NUDT4: variants seen among roughly 807,000 people sequenced by gnomAD.
NUDT4 encodes nudix hydrolase 4.
Under a neutral mutation model 23.1 loss-of-function variants are expected in NUDT4, and 5 were observed. The observed-to-expected ratio is 0.22, with a 90% CI of 0.11 to 0.46. The LOEUF is 0.46. Ranked by LOEUF, NUDT4 falls within the 20% of genes least tolerant of loss-of-function variation. NUDT4 has a pLI of 0.99. For missense variants in NUDT4, 96 were observed against 211.6 expected, an observed-to-expected ratio of 0.45 and a Z score of 3.39; for synonymous variants, 50 against 79.0, an observed-to-expected ratio of 0.63 and a Z score of 1.95.
In NUDT4 at chr12:93,404,342, ATAT is replaced by A. The variant is rs1406113515; in HGVS notation, c.*4966_*4968del. On this transcript the variant is annotated 3_prime_UTR_variant, in exon 5 of 5. Coordinates refer to ENST00000415493, the MANE Select transcript of NUDT4 (RefSeq NM_019094.6). ...ACTTGCAATATATCCATATGGTGTA[ATAT>A]TACAGTCATTAGAAATGACATTTGC... The A allele has an allele frequency of 3.9e-5, 6 of 152,246 alleles. No individual in the cohort carries two copies. Among genetic ancestry groups the A allele is most frequent in the African/African-American group, 1.4e-4 (6 of 41,470 alleles). 9.4% of individuals were successfully genotyped at this position (152,246 alleles called of 1,614,324 possible).
At chr12:93,392,036 A>G (rs757376211) in intron 1 of NUDT4, among the ~76,000 whole-genome samples, 2 of 151,894 alleles carry the variant, frequency 1.3e-5, no homozygotes, top group Non-Finnish European at 2.9e-5. Flanking sequence ...GGAATGTGCT[A>G]CCACACCCAG....
chr12:93,397,092 T>C (rs1438055911), intron 3 of NUDT4, among the ~76,000 whole-genome samples: 1 of 152,236 alleles, frequency 6.6e-6, no homozygotes, highest in African/African-American at 2.4e-5. Context: ...TTAAGTGCTT[T>C]ACAAATACTG....
rs1238179921 is a variant in NUDT4 at position 93,405,490 on chromosome 12, G to C, written c.*6111G>C. The C allele has an allele frequency of 6.6e-6, 1 of 152,214 alleles. No individual in the cohort carries two copies. The highest frequency in any genetic ancestry group is 2.4e-5 in the African/African-American group (1 of 41,448). 9.4% of individuals were successfully genotyped at this position (152,214 alleles called of 1,614,324 possible). A position where few individuals can be genotyped will look rare whatever the true frequency, so the allele number is the denominator to read the frequency against. On this transcript the variant is annotated 3_prime_UTR_variant, in exon 5 of 5. Transcript: ENST00000415493. ...AGGGTGACAAGATGAAACTGGGAGA[G>C]GGCCGGGGAGACCCGAACTCTTAAT...
intron 1 of NUDT4, among the ~76,000 whole-genome samples, chr12:93,394,050 T>TG (rs1419665659): frequency 1.3e-5 from 2 of 152,184 alleles, no homozygotes; most frequent in Non-Finnish European, 2.9e-5. Context: ...TCACCCATGC[T>TG]GGAGTATGGT....
intron 3 of NUDT4, among the ~76,000 whole-genome samples, chr12:93,396,702 C>T (rs1876959110): frequency 6.6e-6 from 1 of 152,060 alleles, no homozygotes; most frequent in Non-Finnish European, 1.5e-5. Context: ...ATCACTAGGT[C>T]AGGAATTCAA....
chr12:93,378,835 C>T, intron 1 of NUDT4: 1 of 975,308 alleles, frequency 1.0e-6, no homozygotes, highest in Non-Finnish European at 1.2e-6. Flanking sequence ...ACATATTTTC[C>T]TTCCATGTTA....
intron 1 of NUDT4, among the ~76,000 whole-genome samples, chr12:93,386,497 T>C (rs1217068637): frequency 6.6e-6 from 1 of 151,844 alleles, no homozygotes; most frequent in Non-Finnish European, 1.5e-5. Context: ...CGAGAATTGC[T>C]TGAACCCAGG....
In NUDT4 at chr12:93,377,941, C is replaced by T. The variant is rs1016627504; in HGVS notation, c.-382C>T. 2.3e-5 allele frequency: 7 copies of T among 307,118 alleles called. No individual in the cohort carries two copies. The highest frequency in any genetic ancestry group is 1.6e-4 in the African/African-American group (7 of 44,340). 19.0% of individuals were successfully genotyped at this position (307,118 alleles called of 1,614,324 possible). ...GCGGCGCGCGGTCGCCGCGGTGCTG[C>T]TGCTCAGTGGGAGCGGGTCTTCGCA... On this transcript the variant is annotated 5_prime_UTR_variant, in exon 1 of 5. Coordinates refer to ENST00000415493, the MANE Select transcript of NUDT4 (RefSeq NM_019094.6).
Position 93,402,096 on chromosome 12 carries a change from G to C in NUDT4, c.*2717G>C, listed in dbSNP as rs1877489465. The C allele has an allele frequency of 1.3e-5, 2 of 149,474 alleles. No homozygotes were observed. Among genetic ancestry groups the C allele is most frequent in the African/African-American group, 4.9e-5 (2 of 40,782 alleles). 9.3% of individuals were successfully genotyped at this position (149,474 alleles called of 1,614,324 possible). ...ATTTTGTAAACAGATGACATTTTCT[G>C]ACCAGGCACATGCCATCCAATTTTC... On this transcript the variant is annotated 3_prime_UTR_variant, in exon 5 of 5. Coordinates refer to ENST00000415493, the MANE Select transcript of NUDT4 (RefSeq NM_019094.6).
At chr12:93,387,804 T>G (rs1485147344) in intron 1 of NUDT4, among the ~76,000 whole-genome samples, 1 of 152,138 alleles carries the variant, frequency 6.6e-6, no homozygotes, top group African/African-American at 2.4e-5. Flanking sequence ...TTATTGGGGT[T>G]GGGGGCAGGC....
In NUDT4 at chr12:93,378,694, G is replaced by C. The variant is rs993749561; in HGVS notation, c.99+273G>C. ...GGTCCCCGGGAAGGTCCCGGGCCGC[G>C]TAAGTCTCGCCTAGCGGGAGTCACC... On this transcript the variant is annotated intron_variant, in intron 1 of 4. Coordinates refer to ENST00000415493, the MANE Select transcript of NUDT4 (RefSeq NM_019094.6). The C allele has an allele frequency of 5.2e-6, 6 of 1,143,190 alleles. No individual in the cohort carries two copies. The African/African-American group carries it at 8.0e-5, about 15-fold the overall frequency. The allele number at this position is 1,143,190 out of a possible 1,614,324, so 70.8% of individuals were successfully genotyped here. A position where few individuals can be genotyped will look rare whatever the true frequency, so the allele number is the denominator to read the frequency against.
chr12:93,385,343 G>T (rs1365044615), intron 1 of NUDT4, among the ~76,000 whole-genome samples: 1 of 152,198 alleles, frequency 6.6e-6, no homozygotes, highest in Non-Finnish European at 1.5e-5. Flanking sequence ...TCCAGGTCTG[G>T]CTCTGCAACC....
chr12:93,385,120 T>C (rs1875964673), intron 1 of NUDT4: 1 of 152,196 alleles, frequency 6.6e-6, no homozygotes, highest in South Asian at 2.1e-4. Context: ...CTTAAAACCT[T>C]AGGTATCTAG....
chr12:93,403,888 AT>A lies in NUDT4; in HGVS notation c.*4511del, dbSNP rs1236016906. 3.3e-5 allele frequency: 5 copies of A among 152,228 alleles called. No homozygotes were observed. Among genetic ancestry groups the A allele is most frequent in the Non-Finnish European group, 7.3e-5 (5 of 68,042 alleles). The allele number at this position is 152,228 out of a possible 1,614,324, so 9.4% of individuals were successfully genotyped here. On this transcript the variant is annotated 3_prime_UTR_variant, in exon 5 of 5. Transcript: ENST00000415493. ...TAAGGCCTATCTTAGCAAGCAAGAC[AT>A]TATAGCAAAGACCTAAACACTCAAA...
chr12:93,407,057 A>G lies in NUDT4; in HGVS notation c.*7678A>G, dbSNP rs183804732. ...AAGACTGGGTCCCACTATGTTAGCC[A>G]GGCTGGTCACAAACTCCTGGACTCA... On this transcript the variant is annotated 3_prime_UTR_variant, in exon 5 of 5. Coordinates refer to ENST00000415493, the MANE Select transcript of NUDT4 (RefSeq NM_019094.6). The G allele has an allele frequency of 7.9e-5, 12 of 152,374 alleles. No homozygotes were observed. The East Asian group carries it at 2.3e-3, about 29-fold the overall frequency. 9.4% of individuals were successfully genotyped at this position (152,374 alleles called of 1,614,324 possible).
chr12:93,385,968 T>TATATATATATAC (rs1555193197), intron 1 of NUDT4, among the ~76,000 whole-genome samples: 4 of 133,600 alleles, frequency 3.0e-5, no homozygotes, highest in African/African-American at 1.1e-4. Context: ...TATATATATA[T>TATATATATATAC]ATACATAATT....
intron 1 of NUDT4, among the ~76,000 whole-genome samples, chr12:93,388,524 C>G (rs1413366717): frequency 6.6e-6 from 1 of 152,208 alleles, no homozygotes; most frequent in Non-Finnish European, 1.5e-5. Flanking sequence ...AGAACTTGTG[C>G]TGAATTGTCA....
At chr12:93,388,355 T>C (rs563624932) in intron 1 of NUDT4, among the ~76,000 whole-genome samples, 2 of 152,368 alleles carry the variant, frequency 1.3e-5, no homozygotes, top group Admixed American at 1.3e-4. Flanking sequence ...TCTATGTGAC[T>C]GTATTCCAAC....
chr12:93,384,424 C>T (rs936681717), intron 1 of NUDT4, among the ~76,000 whole-genome samples: 4 of 151,660 alleles, frequency 2.6e-5, no homozygotes, highest in Non-Finnish European at 4.4e-5. Flanking sequence ...ACCTCAGCCT[C>T]TCAAAGTGCT....
Sources: gnomAD v4.1 joint callset for allele counts (sites outside exome capture counted in the v4.1 genomes callset) on GRCh38, gnomAD v4.1.1 for gene constraint, MANE v1.5 for transcripts, NCBI Gene and HGNC (gene_info 2026-07-23, HGNC 2026-07-21) for gene names.